SHQ1: variants seen among roughly 807,000 people sequenced by gnomAD.
The protein encoded by SHQ1 is protein SHQ1 homolog.
In SHQ1, 49 loss-of-function variants were observed where a neutral mutation model predicts 53.8. The ratio of observed to expected loss-of-function variants is 0.91; its 90% CI spans 0.72 to 1.16. The LOEUF is 1.16. SHQ1 is among the 50% of genes most tolerant of loss of function. The pLI is 0.00. For synonymous variants in SHQ1, 243 were observed against 251.0 expected, an observed-to-expected ratio of 0.97 and a Z score of 0.30; for missense variants, 738 against 683.1, an observed-to-expected ratio of 1.08 and a Z score of -0.90.
In SHQ1 at chr3:72,756,185, C is replaced by T. The variant is rs570875378; in HGVS notation, c.1182-5349G>A. ...AGAGTTCTGTGATTACAGGCATGAG[C>T]GGCAGCCCTGGGCATGGTACATTTT... On this transcript the variant is annotated intron_variant, in intron 10 of 10. Coordinates refer to ENST00000325599, the MANE Select transcript of SHQ1 (RefSeq NM_018130.3). 3.5e-3 allele frequency among the ~76,000 whole-genome samples: 540 copies of T among 152,242 alleles called. 3 individuals are homozygous for T. Among genetic ancestry groups the T allele is most frequent in the African/African-American group, 0.012 (491 of 41,556 alleles).
chr3:72,847,411 T>G (rs1708375456), intron 1 of SHQ1, among the ~76,000 whole-genome samples: 1 of 151,848 alleles, frequency 6.6e-6, no homozygotes, highest in Non-Finnish European at 1.5e-5. Context: ...CAGCGGGTTC[T>G]GTGGAATGGG....
chr3:72,797,190 G>C (rs566284691), intron 9 of SHQ1, among the ~76,000 whole-genome samples: 1 of 152,048 alleles, frequency 6.6e-6, no homozygotes, highest in African/African-American at 2.4e-5. Flanking sequence ...CCCAGGAGGC[G>C]GAGGCTGCAG....
intron 10 of SHQ1, among the ~76,000 whole-genome samples, chr3:72,787,285 CT>C (rs1559671423): frequency 6.6e-6 from 1 of 151,974 alleles, no homozygotes; most frequent in African/African-American, 2.4e-5. Flanking sequence ...CACTTTTTTT[CT>C]TTTTCCCCAG....
At chr3:72,776,988 G>A (rs1438562545) in intron 10 of SHQ1, among the ~76,000 whole-genome samples, 2 of 152,048 alleles carry the variant, frequency 1.3e-5, no homozygotes, top group Non-Finnish European at 2.9e-5. Flanking sequence ...ATGAAGCCAG[G>A]ATATGGTTAT....
rs1004988400 is a variant in SHQ1, at chr3:72,794,954, G to A, written c.1061-1918C>T. ...GAGGCTTCAGGATGGGTAAGATACA[G>A]GGCCACTGAGTTGAGGGACCAAGAT... On this transcript the variant is annotated intron_variant, in intron 9 of 10. Transcript: ENST00000325599. 6 of 152,352 alleles carry A rather than the reference G, an allele frequency of 3.9e-5. 2 individuals carry two copies. Among genetic ancestry groups the A allele is most frequent in the Admixed American group, 3.9e-4 (6 of 15,302 alleles). 9.4% of individuals were successfully genotyped at this position (152,352 alleles called of 1,614,324 possible).
Position 72,781,176 on chromosome 3 carries a change from C to T in SHQ1, c.1181+11740G>A, listed in dbSNP as rs1017783972. Among the ~76,000 whole-genome samples the T allele has an allele frequency of 9.2e-5, 14 of 151,790 alleles. No individual in the cohort carries two copies. The East Asian group carries it at 2.1e-3, about 23-fold the overall frequency. On this transcript the variant is annotated intron_variant, in intron 10 of 10. Coordinates refer to ENST00000325599, the MANE Select transcript of SHQ1 (RefSeq NM_018130.3). ...CCAGGTTCCAGCGATTCTCGTGCCT[C>T]AGCCTCCCAAGTAGCTGGGATTACA...
chr3:72,750,250 A>G lies in SHQ1; in HGVS notation c.*34T>C, dbSNP rs370551346. On this transcript the variant is annotated 3_prime_UTR_variant, in exon 11 of 11. Coordinates refer to ENST00000325599, the MANE Select transcript of SHQ1 (RefSeq NM_018130.3). The stretch of plus-strand genomic sequence containing the variant: ...TTCGGTAAATGAAACCCAATCTACC[A>G]TATTTCTCAACAATGAATAAAACCA... 3 of 1,488,852 alleles carry G rather than the reference A, an allele frequency of 2.0e-6. No homozygotes were observed. The highest frequency in any genetic ancestry group is 1.4e-5 in the African/African-American group (1 of 71,076). The allele number at this position is 1,488,852 out of a possible 1,614,324, so 92.2% of individuals were successfully genotyped here.
At chr3:72,777,167 C>T (rs370639742) in intron 10 of SHQ1, among the ~76,000 whole-genome samples, 1 of 152,236 alleles carries the variant, frequency 6.6e-6, no homozygotes, top group African/African-American at 2.4e-5. Context: ...TAAACGAGAA[C>T]CAAAAGCACA....
intron 2 of SHQ1, 77 bp downstream of exon 2, chr3:72,844,282 G>T: frequency 8.2e-7 from 1 of 1,218,700 alleles, no homozygotes; most frequent in Non-Finnish European, 1.2e-6. Flanking sequence ...AGGTCCCCAT[G>T]GTATCTTGTA....
At chr3:72,822,432 A>C (rs563519747) in intron 6 of SHQ1, among the ~76,000 whole-genome samples, 1 of 152,308 alleles carries the variant, frequency 6.6e-6, no homozygotes, top group East Asian at 1.9e-4. Context: ...TACACAAAGA[A>C]GACTAAGAGC....
intron 9 of SHQ1, among the ~76,000 whole-genome samples, chr3:72,803,405 A>G (rs2106829552): frequency 6.6e-6 from 1 of 152,252 alleles, no homozygotes; most frequent in Middle Eastern, 3.4e-3. Flanking sequence ...TTGGCGAAGT[A>G]GGCATCTCAG....
chr3:72,756,145 C>G (rs1328982868), intron 10 of SHQ1, among the ~76,000 whole-genome samples: 1 of 152,194 alleles, frequency 6.6e-6, no homozygotes, highest in African/African-American at 2.4e-5. Context: ...GTGATCCTCC[C>G]ACCTTGGCTT....
chr3:72,817,020 T>C (rs748591178), intron 7 of SHQ1, among the ~76,000 whole-genome samples: 1 of 152,146 alleles, frequency 6.6e-6, no homozygotes. Context: ...CAGAGACTAA[T>C]GCCAAGAGAA....
intron 4 of SHQ1, among the ~76,000 whole-genome samples, chr3:72,840,206 C>G (rs1031625702): frequency 2.3e-5 from 3 of 129,972 alleles, no homozygotes; most frequent in Non-Finnish European, 3.1e-5. Flanking sequence ...GAGCCAAGAT[C>G]GTGCCACTGC....
chr3:72,815,509 A>G (rs1468125769), intron 7 of SHQ1, 106 bp from the exon 8 acceptor site: 1 of 836,274 alleles, frequency 1.2e-6, no homozygotes, highest in Admixed American at 1.9e-5. Flanking sequence ...TCACTGACAT[A>G]TGAGAACTAA....
At chr3:72,828,563 G>A (rs145366594) in intron 5 of SHQ1, among the ~76,000 whole-genome samples, 182 of 152,138 alleles carry the variant, frequency 1.2e-3, no homozygotes, top group African/African-American at 4.0e-3. Flanking sequence ...GCATGGTGGT[G>A]CACACCTGTA....
At chr3:72,764,721 T>C (rs541962351) in intron 10 of SHQ1, among the ~76,000 whole-genome samples, 1 of 152,308 alleles carries the variant, frequency 6.6e-6, no homozygotes, top group South Asian at 2.1e-4. Context: ...AACCCAGGTC[T>C]CTGAACAGGA....
At chr3:72,767,169 A>G (rs1705748866) in intron 10 of SHQ1, among the ~76,000 whole-genome samples, 2 of 152,220 alleles carry the variant, frequency 1.3e-5, no homozygotes, top group Non-Finnish European at 2.9e-5. Flanking sequence ...AATTGCTTTC[A>G]TATGTACGAA....
downstream of SHQ1, among the ~76,000 whole-genome samples, chr3:72,748,975 A>G (rs565394865): frequency 7.4e-3 from 1,067 of 145,064 alleles, 14 homozygotes; most frequent in African/African-American, 0.025. Flanking sequence ...GCACACGCAC[A>G]CACACACACA....
Sources: gnomAD v4.1 joint callset for allele counts (sites outside exome capture counted in the v4.1 genomes callset) on GRCh38, gnomAD v4.1.1 for gene constraint, MANE v1.5 for transcripts, NCBI Gene and HGNC (gene_info 2026-07-23, HGNC 2026-07-21) for gene names.